ZNF536: variants seen among roughly 807,000 people sequenced by gnomAD.
ZNF536 encodes zinc finger protein 536.
In ZNF536, 13 loss-of-function variants were observed where a neutral mutation model predicts 84.5. The observed-to-expected ratio is 0.15, with a 90% CI of 0.10 to 0.24. The LOEUF is 0.24. ZNF536 is among the 10% of genes least tolerant of loss of function. ZNF536 has a pLI of 1.00. For missense variants in ZNF536, 1,536 were observed against 1,747.5 expected, an observed-to-expected ratio of 0.88 and a Z score of 2.16; for synonymous variants, 811 against 742.5, an observed-to-expected ratio of 1.09 and a Z score of -1.50.
chr19:30,671,470 T>G (rs1341395419), intron 1 of ZNF536, among the ~76,000 whole-genome samples: 1 of 152,114 alleles, frequency 6.6e-6, no homozygotes, highest in Admixed American at 6.5e-5. Context: ...CCTTGTCAAC[T>G]CAGCAGAGAT....
At chr19:30,389,096 C>T (rs1335641977) in intron 1 of ZNF536, among the ~76,000 whole-genome samples, 1 of 152,244 alleles carries the variant, frequency 6.6e-6, no homozygotes, top group Non-Finnish European at 1.5e-5. Flanking sequence ...GAGTGTCAGG[C>T]CTGCCTGTTT....
At chr19:30,663,596 C>T (rs1245965088) in intron 1 of ZNF536, among the ~76,000 whole-genome samples, 1 of 152,278 alleles carries the variant, frequency 6.6e-6, no homozygotes, top group Non-Finnish European at 1.5e-5. Context: ...TTTTATAATA[C>T]TTATAAGCTG....
At chr19:30,324,917 A>C (rs945141504) in intron 2 of ZNF536, among the ~76,000 whole-genome samples, 2 of 152,212 alleles carry the variant, frequency 1.3e-5, no homozygotes, top group African/African-American at 4.8e-5. Flanking sequence ...GGCGAACAAC[A>C]GTCCTGTGTG....
At chr19:30,453,341 T>C (rs1298133651) in intron 2 of ZNF536, among the ~76,000 whole-genome samples, 1 of 152,216 alleles carries the variant, frequency 6.6e-6, no homozygotes, top group Non-Finnish European at 1.5e-5. Flanking sequence ...CTTTGCTGTC[T>C]GTGGGGCCCT....
intron 2 of ZNF536, among the ~76,000 whole-genome samples, chr19:30,307,884 C>T (rs946018277): frequency 1.3e-5 from 2 of 152,210 alleles, no homozygotes; most frequent in African/African-American, 4.8e-5. Flanking sequence ...CCTCTCTTTG[C>T]AGATGGGTTA....
chr19:30,435,245 G>A (rs1345971064), intron 1 of ZNF536, among the ~76,000 whole-genome samples: 4 of 148,832 alleles, frequency 2.7e-5, no homozygotes, highest in Non-Finnish European at 5.9e-5. Context: ...GATGATGATG[G>A]TGATAATGGT....
At chr19:30,703,562 C>T (rs1213505393) in intron 1 of ZNF536, among the ~76,000 whole-genome samples, 1 of 152,164 alleles carries the variant, frequency 6.6e-6, no homozygotes, top group African/African-American at 2.4e-5. Flanking sequence ...CCCAGATCCC[C>T]CATTCAAATG....
At chr19:30,600,402 A>G (rs957547285) in intron 1 of ZNF536, among the ~76,000 whole-genome samples, 7 of 152,068 alleles carry the variant, frequency 4.6e-5, no homozygotes, top group Non-Finnish European at 8.8e-5. Context: ...CCGGCTGTTT[A>G]TTAATCTTAA....
chr19:30,606,474 T>C (rs1042055810), intron 1 of ZNF536, among the ~76,000 whole-genome samples: 1 of 151,884 alleles, frequency 6.6e-6, no homozygotes, highest in Non-Finnish European at 1.5e-5. Context: ...CCAGATGGAG[T>C]GCAGATTTAG....
chr19:30,595,044 G>A (rs1003186024), intron 1 of ZNF536, among the ~76,000 whole-genome samples: 2 of 151,050 alleles, frequency 1.3e-5, no homozygotes, highest in East Asian at 1.9e-4. Context: ...TGGCTGCAGT[G>A]GGCACCGCAC....
chr19:30,240,356 G>C (rs1394492422), intron 1 of ZNF536, among the ~76,000 whole-genome samples: 1 of 150,006 alleles, frequency 6.7e-6, no homozygotes, highest in Non-Finnish European at 1.5e-5. Flanking sequence ...CTGGGTGACA[G>C]AGCAAGACTC....
At chr19:30,656,426 C>G (rs936587585) in intron 1 of ZNF536, among the ~76,000 whole-genome samples, 4 of 152,172 alleles carry the variant, frequency 2.6e-5, no homozygotes, top group African/African-American at 9.7e-5. Flanking sequence ...TTTTGGTTAT[C>G]CCCTTGGCTG....
intron 1 of ZNF536, among the ~76,000 whole-genome samples, chr19:30,583,603 G>C (rs2046997551): frequency 1.3e-5 from 2 of 152,130 alleles, no homozygotes; most frequent in Admixed American, 1.3e-4. Flanking sequence ...GCTCCGGATG[G>C]GGCTGACCCC....
At chr19:30,294,203 G>A (rs1352044372) in intron 2 of ZNF536, among the ~76,000 whole-genome samples, 1 of 152,204 alleles carries the variant, frequency 6.6e-6, no homozygotes, top group African/African-American at 2.4e-5. Flanking sequence ...GCTGCCCAGA[G>A]GAGAGGGAGT....
chr19:30,579,374 A>C (rs972321169), intron 1 of ZNF536, among the ~76,000 whole-genome samples: 3 of 152,270 alleles, frequency 2.0e-5, no homozygotes, highest in South Asian at 2.1e-4. Flanking sequence ...ACTGATCTTC[A>C]CTGGACTTCC....
chr19:30,686,634 G>A (rs2051195420), intron 1 of ZNF536, among the ~76,000 whole-genome samples: 1 of 152,182 alleles, frequency 6.6e-6, no homozygotes. Context: ...ATAATGGCGG[G>A]GAAGGAGCCC....
chr19:30,584,172 G>A (rs745844106), intron 1 of ZNF536, among the ~76,000 whole-genome samples: 7 of 152,072 alleles, frequency 4.6e-5, no homozygotes, highest in Non-Finnish European at 8.8e-5. Context: ...CATCATTCCA[G>A]GCCCATGTTA....
At chr19:30,383,312 A>T (rs113771208) in intron 1 of ZNF536, among the ~76,000 whole-genome samples, 1 of 45,872 alleles carries the variant, frequency 2.2e-5, no homozygotes, top group East Asian at 3.8e-4. Flanking sequence ...ACAAACAAAC[A>T]AAAAAAACAA....
chr19:30,287,168 A>G (rs970725995), intron 2 of ZNF536, among the ~76,000 whole-genome samples: 2 of 138,302 alleles, frequency 1.4e-5, no homozygotes, highest in Middle Eastern at 3.6e-3. Flanking sequence ...TTCTCAATAA[A>G]GCTTTGGTGA....
Sources: allele counts gnomAD v4.1 joint callset (sites outside exome capture counted in the v4.1 genomes callset), GRCh38; gene constraint gnomAD v4.1.1; transcripts MANE v1.5; gene names NCBI Gene and HGNC (gene_info 2026-07-23, HGNC 2026-07-21).